Variants in ANK3 observed in about 807,000 individuals in gnomAD.
ANK3 encodes ankyrin-3.
Under a neutral mutation model 370.9 loss-of-function variants are expected in ANK3, and 57 were observed. The observed-to-expected ratio is 0.15, with a 90% CI of 0.12 to 0.19. The LOEUF is 0.19. Among genes scored for constraint, ANK3 ranks in the 10% least tolerant of loss-of-function variants. ANK3 has a pLI of 1.00. For missense variants in ANK3, 4,439 were observed against 5,302.1 expected (o/e 0.84, Z 5.06); for synonymous variants, 1,929 against 1,946.3 (o/e 0.99, Z 0.23).
At chr10:60,340,407 G>GTT (rs1341139367) in intron 1 of ANK3, among the ~76,000 whole-genome samples, 1 of 151,770 alleles carries the variant, frequency 6.6e-6, no homozygotes, top group Non-Finnish European at 1.5e-5. Flanking sequence ...GCTAATTTTT[G>GTT]TTTTTTTCTT....
chr10:60,694,255 G>T (rs2079406627), intron 1 of ANK3, among the ~76,000 whole-genome samples: 1 of 152,166 alleles, frequency 6.6e-6, no homozygotes, highest in Non-Finnish European at 1.5e-5. Context: ...TATGTGAAAA[G>T]ACCAAATCTA....
intron 2 of ANK3, among the ~76,000 whole-genome samples, chr10:60,434,354 T>C (rs1436615907): frequency 6.6e-6 from 1 of 152,202 alleles, no homozygotes; most frequent in African/African-American, 2.4e-5. Context: ...TATTATACTA[T>C]AGGTAATTAG....
chr10:60,138,920 T>A (rs148114214), intron 24 of ANK3, 44 bp downstream of exon 24: 25,876 of 1,604,242 alleles, frequency 0.016, 258 homozygotes, highest in Non-Finnish European at 0.019. Flanking sequence ...TGACAAATCA[T>A]GGTTGTTTTA....
chr10:60,406,447 C>A (rs114649560), intron 2 of ANK3, among the ~76,000 whole-genome samples: 2,829 of 152,274 alleles, frequency 0.019, 93 homozygotes, highest in African/African-American at 0.064. Flanking sequence ...CTCAGGTCAT[C>A]AGGCATTAGT....
At chr10:60,529,083 G>A (rs1351047600) in intron 2 of ANK3, among the ~76,000 whole-genome samples, 4 of 152,002 alleles carry the variant, frequency 2.6e-5, no homozygotes, top group Non-Finnish European at 4.4e-5. Context: ...GGATACTCAC[G>A]ACAGTACCAT....
chr10:60,466,882 C>T (rs1052881870), intron 2 of ANK3, among the ~76,000 whole-genome samples: 2 of 152,178 alleles, frequency 1.3e-5, no homozygotes, highest in African/African-American at 2.4e-5. Context: ...TAAAAACATA[C>T]ATCACTAGTC....
intron 4 of ANK3, among the ~76,000 whole-genome samples, chr10:60,271,678 A>G (rs776259306): frequency 6.6e-6 from 1 of 152,144 alleles, no homozygotes; most frequent in Non-Finnish European, 1.5e-5. Context: ...GTTCATTATT[A>G]TAAATATCAA....
At chr10:60,254,975 T>G (rs1211213081) in intron 7 of ANK3, among the ~76,000 whole-genome samples, 1 of 152,132 alleles carries the variant, frequency 6.6e-6, no homozygotes, top group East Asian at 1.9e-4. Context: ...TTCCAAAATG[T>G]GTAAGATGAC....
chr10:60,437,656 A>C (rs2064191521), intron 2 of ANK3, among the ~76,000 whole-genome samples: 2 of 152,240 alleles, frequency 1.3e-5, no homozygotes, highest in African/African-American at 4.8e-5. Flanking sequence ...ATGCTCGAGC[A>C]GAAGGATATG....
chr10:60,286,059 T>G (rs942109760), intron 1 of ANK3, among the ~76,000 whole-genome samples: 2 of 152,132 alleles, frequency 1.3e-5, no homozygotes, highest in African/African-American at 2.4e-5. Context: ...ATCATACATT[T>G]AAAAAATACA....
chr10:60,086,255 G>A lies in ANK3; in HGVS notation c.3748+422C>T, dbSNP rs556599805. ...TACTGAACAATTTCCTATTACTAGT[G>A]CTCTGTGGGACATGTATTTTTCCCA... On this transcript the variant is annotated intron_variant, in intron 30 of 43. Transcript: ENST00000280772. Among the ~76,000 whole-genome samples, 5 of 152,198 alleles carry A rather than the reference G, an allele frequency of 3.3e-5. No individual in the cohort carries two copies. In the South Asian group the frequency reaches 1.0e-3, roughly 32 times the overall value.
intron 1 of ANK3, among the ~76,000 whole-genome samples, chr10:60,691,283 C>T (rs1170059256): frequency 1.3e-5 from 2 of 151,950 alleles, no homozygotes; most frequent in South Asian, 2.1e-4. Flanking sequence ...AACATGTACC[C>T]CCGAATCTAA....
chr10:60,483,887 C>T (rs765744078), intron 2 of ANK3, among the ~76,000 whole-genome samples: 5 of 152,082 alleles, frequency 3.3e-5, no homozygotes, highest in East Asian at 1.9e-4. Context: ...ATATGACAGT[C>T]GGACAGAACA....
At chr10:60,485,147 C>A (rs1245386024) in intron 2 of ANK3, among the ~76,000 whole-genome samples, 2 of 152,184 alleles carry the variant, frequency 1.3e-5, no homozygotes, top group African/African-American at 4.8e-5. Flanking sequence ...TCACTCAACA[C>A]TCGAGTCGGT....
At chr10:60,103,332 G>A (rs2091640031) in intron 28 of ANK3, among the ~76,000 whole-genome samples, 1 of 152,126 alleles carries the variant, frequency 6.6e-6, no homozygotes, top group Admixed American at 6.5e-5. Context: ...TTAATTAACA[G>A]TTATTCAGTA....
intron 7 of ANK3, among the ~76,000 whole-genome samples, chr10:60,240,129 T>TAC: frequency 1.1e-5 from 1 of 95,096 alleles, no homozygotes; most frequent in African/African-American, 3.9e-5. Context: ...CACACATATA[T>TAC]ATACATATAT....
intron 2 of ANK3, among the ~76,000 whole-genome samples, chr10:60,580,031 A>G (rs975776316): frequency 6.6e-6 from 1 of 152,216 alleles, no homozygotes; most frequent in Non-Finnish European, 1.5e-5. Context: ...AGTTAGCAAC[A>G]ATCTTTTGTC....
chr10:60,610,970 C>T (rs963731369), intron 2 of ANK3, among the ~76,000 whole-genome samples: 2 of 152,222 alleles, frequency 1.3e-5, no homozygotes, highest in Admixed American at 6.6e-5. Context: ...CTAGTGGGCT[C>T]GAAGCTGGTG....
At position 60,499,260 on chromosome 10, in the gene ANK3, C is replaced by T. The variant is rs947217307; in HGVS notation, c.96+115926G>A. 1.5e-4 allele frequency among the ~76,000 whole-genome samples: 23 copies of T among 152,234 alleles called. No homozygotes were observed. The East Asian group carries it at 4.2e-3, about 28-fold the overall frequency. On this transcript the variant is annotated intron_variant, in intron 2 of 43. Coordinates refer to the ANK3 transcript ENST00000373827. The stretch of plus-strand genomic sequence containing the variant: ...CATACACTTCACTTCTAAAAAGTAA[C>T]AGGAATCTTATTTATAATACACCAT...
Sources: gnomAD v4.1 joint callset for allele counts (sites outside exome capture counted in the v4.1 genomes callset) on GRCh38, gnomAD v4.1.1 for gene constraint, MANE v1.5 for transcripts, NCBI Gene and HGNC (gene_info 2026-07-23, HGNC 2026-07-21) for gene names.